The following GALNT13 variants were observed in gnomAD, a reference collection of about 807,000 sequenced individuals.
GALNT13 encodes the protein polypeptide N-acetylgalactosaminyltransferase 13.
GALNT13 carries 28 observed loss-of-function variants against 64.2 expected under a neutral mutation model. The ratio of observed to expected loss-of-function variants is 0.44; its 90% CI spans 0.32 to 0.60. GALNT13 has a LOEUF of 0.60. Among genes scored for constraint, GALNT13 ranks in the 20% least tolerant of loss-of-function variants. The pLI, the probability that GALNT13 is intolerant of heterozygous loss-of-function variation, is 0.05. For synonymous variants in GALNT13, 214 were observed against 224.6 expected (o/e 0.95, Z 0.42); for missense variants, 577 against 669.8 (o/e 0.86, Z 1.53).
At chr2:153,853,780 CTG>C in the GALNT13 span, among the ~76,000 whole-genome samples, 1 of 149,908 alleles carries the variant, frequency 6.7e-6, no homozygotes, top group Non-Finnish European at 1.5e-5. Context: ...ATAATATACA[CTG>C]TGTGATTCAA....
chr2:154,015,877 A>G (rs11674823), intron 3 of GALNT13, among the ~76,000 whole-genome samples: 28,273 of 152,142 alleles, frequency 0.19, 3,378 homozygotes, highest in Non-Finnish European at 0.26. Context: ...AATATTTTAC[A>G]TAACTAAGAA....
chr2:153,156,781 A>G, the GALNT13 span, among the ~76,000 whole-genome samples: 1 of 152,202 alleles, frequency 6.6e-6, no homozygotes, highest in Non-Finnish European at 1.5e-5. Context: ...GCTCTACTGC[A>G]GAATGAGGAT....
chr2:153,624,932 T>A, the GALNT13 span, among the ~76,000 whole-genome samples: 1 of 151,830 alleles, frequency 6.6e-6, no homozygotes, highest in Non-Finnish European at 1.5e-5. Context: ...TTCAAAACAG[T>A]ACAATACTGG....
chr2:154,221,443 G>T (rs1051085554), intron 4 of GALNT13, among the ~76,000 whole-genome samples: 8 of 151,956 alleles, frequency 5.3e-5, no homozygotes, highest in Admixed American at 4.6e-4. Context: ...TGTTTTGCAG[G>T]TAGATATTTC....
chr2:153,326,637 A>C, the GALNT13 span, among the ~76,000 whole-genome samples: 684 of 152,016 alleles, frequency 4.5e-3, 4 homozygotes, highest in Non-Finnish European at 5.8e-3. Flanking sequence ...TTTTTCCTTT[A>C]CATATTTAGT....
intron 9 of GALNT13, among the ~76,000 whole-genome samples, chr2:154,328,405 C>T (rs1460629098): frequency 1.3e-5 from 2 of 152,036 alleles, no homozygotes; most frequent in East Asian, 3.9e-4. Flanking sequence ...TATGGTGTTA[C>T]GGTATCATAA....
intron 9 of GALNT13, 146 bp downstream of exon 9, chr2:154,301,735 G>A (rs1378804959): frequency 3.7e-6 from 2 of 535,750 alleles, no homozygotes; most frequent in Admixed American, 3.3e-5. Flanking sequence ...TGAGAAAGTT[G>A]TACTATGAAG....
At chr2:153,723,830 C>A in the GALNT13 span, among the ~76,000 whole-genome samples, 2 of 150,944 alleles carry the variant, frequency 1.3e-5, no homozygotes, top group African/African-American at 2.5e-5. Context: ...CAAGAACATT[C>A]CACGCTCATG....
chr2:153,109,784 G>C, the GALNT13 span, among the ~76,000 whole-genome samples: 5 of 152,176 alleles, frequency 3.3e-5, no homozygotes, highest in South Asian at 1.0e-3. Flanking sequence ...AAAAATAAAG[G>C]TTCAGTGGTG....
At chr2:153,353,106 A>C in the GALNT13 span, among the ~76,000 whole-genome samples, 1 of 152,038 alleles carries the variant, frequency 6.6e-6, no homozygotes. Context: ...ATATCTCTCC[A>C]TTTATTTAGT....
the GALNT13 span, among the ~76,000 whole-genome samples, chr2:153,624,440 T>C: frequency 1.3e-5 from 2 of 152,078 alleles, no homozygotes; most frequent in African/African-American, 4.8e-5. Flanking sequence ...GTGACATATG[T>C]CACATCCAAA....
intron 2 of GALNT13, among the ~76,000 whole-genome samples, chr2:153,928,264 A>T (rs1279660303): frequency 6.6e-6 from 1 of 152,184 alleles, no homozygotes; most frequent in Non-Finnish European, 1.5e-5. Flanking sequence ...CATTTCAAAG[A>T]AAGAACACTT....
the GALNT13 span, among the ~76,000 whole-genome samples, chr2:153,858,276 G>A: frequency 2.0e-5 from 3 of 152,148 alleles, no homozygotes; most frequent in Non-Finnish European, 4.4e-5. Flanking sequence ...TAGCATGGAG[G>A]CCAGTGTGAT....
the GALNT13 span, among the ~76,000 whole-genome samples, chr2:153,571,119 C>T: frequency 9.2e-5 from 14 of 151,570 alleles, no homozygotes; most frequent in Non-Finnish European, 1.9e-4. Context: ...TTTTGGTGTC[C>T]CCTTCAACTT....
the GALNT13 span, among the ~76,000 whole-genome samples, chr2:153,265,101 G>T: frequency 6.6e-6 from 1 of 152,142 alleles, no homozygotes; most frequent in African/African-American, 2.4e-5. Context: ...CAGAGGAAAG[G>T]AGTCCCTCCC....
chr2:153,339,953 T>C, the GALNT13 span, among the ~76,000 whole-genome samples: 1 of 152,298 alleles, frequency 6.6e-6, no homozygotes, highest in Admixed American at 6.5e-5. Flanking sequence ...CGTTTCATTG[T>C]TCTATATGCC....
chr2:154,279,169 GTTC>G (rs566887775), intron 8 of GALNT13, among the ~76,000 whole-genome samples: 158 of 152,088 alleles, frequency 1.0e-3, no homozygotes, highest in African/African-American at 3.7e-3. Flanking sequence ...CTCTAGATGA[GTTC>G]TTATTATCAT....
At chr2:153,068,374 CT>C in the GALNT13 span, among the ~76,000 whole-genome samples, 41 of 152,124 alleles carry the variant, frequency 2.7e-4, no homozygotes, top group Non-Finnish European at 5.3e-4. Flanking sequence ...AAGGCCAAGG[CT>C]TCAATTATTA....
chr2:153,205,247 G>A, the GALNT13 span, among the ~76,000 whole-genome samples: 6 of 150,208 alleles, frequency 4.0e-5, no homozygotes, highest in South Asian at 4.2e-4. Context: ...CCAAGGGAGT[G>A]AAGTTATTGA....
Sources: gnomAD v4.1 joint callset for allele counts (sites outside exome capture counted in the v4.1 genomes callset) on GRCh38, gnomAD v4.1.1 for gene constraint, MANE v1.5 for transcripts, NCBI Gene and HGNC (gene_info 2026-07-23, HGNC 2026-07-21) for gene names.